The following RSBN1 variants were observed in gnomAD, a reference collection of about 807,000 sequenced individuals.
RSBN1 encodes the protein lysine-specific demethylase 9.
RSBN1 carries 23 observed loss-of-function variants against 74.8 expected under a neutral mutation model. That is an observed-to-expected ratio of 0.31 (90% CI 0.22 to 0.44). RSBN1 has a LOEUF of 0.44. RSBN1 is among the 20% of genes least tolerant of loss of function. The probability of loss-of-function intolerance (pLI) is 1.00; values close to 1 mark genes in which losing one functional copy is unlikely to be tolerated. For missense variants in RSBN1, 808 were observed against 1,020.9 expected, an observed-to-expected ratio of 0.79 and a Z score of 2.84; for synonymous variants, 407 against 379.6, an observed-to-expected ratio of 1.07 and a Z score of -0.84.
rs569645169 is a variant in RSBN1, at chr1:113,762,980, C to A, written c.*3000G>T. On this transcript the variant is annotated 3_prime_UTR_variant, in exon 7 of 7. Transcript: ENST00000261441. ...GTACCAGTTAAACAAATTCTAAGTA[C>A]TGAATAAGCAAATTAAAGGTACAAT... 5.8e-4 allele frequency: 88 copies of A among 152,768 alleles called. No individual in the cohort carries two copies. Among genetic ancestry groups the A allele is most frequent in the Non-Finnish European group, 1.1e-3 (73 of 68,002 alleles). 9.5% of individuals were successfully genotyped at this position (152,768 alleles called of 1,614,324 possible).
chr1:113,812,365 C>T lies in RSBN1; in HGVS notation c.48G>A (p.Glu16=), dbSNP rs956048138. The part of the protein sequence containing the change: ...RRTADKWRAE[E]RLQCPAGSAR... ...CACTGCCCGCTGGGCATTGGAGTCT[C>T]TCCTCCGCCCTCCACTTGTCGGCCG... is the stretch of plus-strand genomic sequence containing the variant. Residue 16 remains glutamate (E), a synonymous_variant, in exon 1 of 7, where the codon GAG becomes GAA. Transcript: ENST00000261441. 2 of 1,602,510 alleles carry T rather than the reference C, an allele frequency of 1.2e-6. No individual in the cohort carries two copies. The highest frequency in any genetic ancestry group is 2.2e-5 in the South Asian group (2 of 90,978).
intron 4 of RSBN1, among the ~76,000 whole-genome samples, chr1:113,769,153 T>A (rs1474560304): frequency 6.6e-6 from 1 of 152,162 alleles, no homozygotes; most frequent in East Asian, 1.9e-4. Context: ...CTCGGACCAA[T>A]AAACATCTCC....
rs1401107343 is a variant in RSBN1 at position 113,767,224 on chromosome 1, T to C, written c.1827-17A>G. ...TGGTCACTCCTAAGATTAACAAAAT[T>C]AAGTTTCAGAGACAAACATCTCACA... On this transcript the variant is annotated splice_polypyrimidine_tract_variant and intron_variant, in intron 5 of 6. Coordinates refer to ENST00000261441, the MANE Select transcript of RSBN1 (RefSeq NM_018364.5). 4 of 1,443,594 alleles carry C rather than the reference T, an allele frequency of 2.8e-6. No individual in the cohort carries two copies. Among genetic ancestry groups the C allele is most frequent in the Non-Finnish European group, 3.8e-6 (4 of 1,048,828 alleles). 89.4% of individuals were successfully genotyped at this position (1,443,594 alleles called of 1,614,324 possible). A position where few individuals can be genotyped will look rare whatever the true frequency, so the allele number is the denominator to read the frequency against.
rs191330948 is a variant in RSBN1 at position 113,810,679 on chromosome 1, C to T, written c.703+1031G>A. On this transcript the variant is annotated intron_variant, in intron 1 of 6. Transcript: ENST00000261441. Reference sequence around the variant, plus strand: ...ATACGTGGAAAGAATGCAAGACTCACAAAACTTTAGGTTGAAAGATTGTCT... The same window carrying T: ...ATACGTGGAAAGAATGCAAGACTCATAAAACTTTAGGTTGAAAGATTGTCT... Among the ~76,000 whole-genome samples the T allele has an allele frequency of 2.8e-4, 42 of 152,218 alleles. 1 individual carries two copies. The highest frequency in any genetic ancestry group is 9.9e-4 in the African/African-American group (41 of 41,520).
intron 3 of RSBN1, 74 bp from the exon 4 acceptor site, chr1:113,777,426 A>G (rs1660053817): frequency 1.4e-6 from 2 of 1,467,060 alleles, no homozygotes; most frequent in African/African-American, 2.8e-5. Context: ...CACCCAAATA[A>G]AAGTTCTAAG....
At chr1:113,798,081 C>A in intron 1 of RSBN1, 45 bp from the exon 2 acceptor site, 2 of 1,510,448 alleles carry the variant, frequency 1.3e-6, no homozygotes, top group South Asian at 1.3e-5. Flanking sequence ...GGACTAGTGT[C>A]AACATACAAG....
Position 113,812,456 on chromosome 1 carries a change from A to G in RSBN1, c.-44T>C, listed in dbSNP as rs1660899973. ...CAGCTTTTCTCCGCAGGCCTCTCCA[A>G]CCGAGCTTCTATTGTAAAGCACCCT... On this transcript the variant is annotated 5_prime_UTR_variant, in exon 1 of 7. Coordinates refer to ENST00000261441, the MANE Select transcript of RSBN1 (RefSeq NM_018364.5). 6 of 1,526,934 alleles carry G rather than the reference A, an allele frequency of 3.9e-6. No homozygotes were observed. Among genetic ancestry groups the G allele is most frequent in the Non-Finnish European group, 5.2e-6 (6 of 1,143,366 alleles). 94.6% of individuals were successfully genotyped at this position (1,526,934 alleles called of 1,614,324 possible). A position where few individuals can be genotyped will look rare whatever the true frequency, so the allele number is the denominator to read the frequency against.
chr1:113,767,359 G>A, intron 5 of RSBN1, 152 bp from the exon 6 acceptor site: 17 of 436,426 alleles, frequency 3.9e-5, no homozygotes, highest in South Asian at 1.3e-4. Context: ...TTTTTAATTT[G>A]AAAAAAACTA....
At chr1:113,810,857 T>C (rs956885727) in intron 1 of RSBN1, among the ~76,000 whole-genome samples, 4 of 152,148 alleles carry the variant, frequency 2.6e-5, no homozygotes, top group Non-Finnish European at 5.9e-5. Context: ...ACAAAGAATA[T>C]AAATAAATGC....
intron 1 of RSBN1, among the ~76,000 whole-genome samples, chr1:113,809,560 A>G (rs1660788494): frequency 6.6e-6 from 1 of 152,240 alleles, no homozygotes; most frequent in Non-Finnish European, 1.5e-5. Context: ...TTGCCAATTC[A>G]TGTTACATAT....
chr1:113,777,520 C>G, intron 3 of RSBN1, 151 bp downstream of exon 3: 2 of 908,028 alleles, frequency 2.2e-6, no homozygotes, highest in Non-Finnish European at 3.2e-6. Flanking sequence ...AATTTAAGTA[C>G]TTTGTACTAA....
At chr1:113,776,017 C>T (rs542267505) in intron 4 of RSBN1, among the ~76,000 whole-genome samples, 4 of 152,252 alleles carry the variant, frequency 2.6e-5, no homozygotes, top group East Asian at 1.9e-4. Flanking sequence ...TTGCTATTTT[C>T]GTAGTCTAAG....
intron 1 of RSBN1, among the ~76,000 whole-genome samples, chr1:113,803,796 T>C (rs1313358793): frequency 6.6e-6 from 1 of 152,004 alleles, no homozygotes; most frequent in Admixed American, 6.6e-5. Context: ...AAATCTAAAT[T>C]TTCTCATCTT....
chr1:113,777,844 G>A, intron 2 of RSBN1, 36 bp from the exon 3 acceptor site: 1 of 1,509,754 alleles, frequency 6.6e-7, no homozygotes, highest in Non-Finnish European at 8.9e-7. Flanking sequence ...ATGGACTGAG[G>A]TACAACTATA....
chr1:113,774,744 T>C (rs968399176), intron 4 of RSBN1, among the ~76,000 whole-genome samples: 1 of 151,726 alleles, frequency 6.6e-6, no homozygotes, highest in Non-Finnish European at 1.5e-5. Flanking sequence ...TAGTCCCAGA[T>C]ACTTGGTGGG....
chr1:113,776,816 A>C (rs1330675673), intron 4 of RSBN1, among the ~76,000 whole-genome samples: 2 of 151,012 alleles, frequency 1.3e-5, no homozygotes, highest in Non-Finnish European at 2.9e-5. Flanking sequence ...ATCTCAAAAA[A>C]AAAAAAAAAA....
intron 2 of RSBN1, among the ~76,000 whole-genome samples, chr1:113,781,332 C>T (rs770133499): frequency 1.3e-5 from 2 of 152,206 alleles, no homozygotes; most frequent in Non-Finnish European, 2.9e-5. Context: ...AATCAGGCTT[C>T]TGCCCATACC....
At chr1:113,787,614 G>A (rs1005308902) in intron 2 of RSBN1, among the ~76,000 whole-genome samples, 6 of 152,184 alleles carry the variant, frequency 3.9e-5, no homozygotes, top group African/African-American at 1.4e-4. Flanking sequence ...GCACAAGCAA[G>A]GGAGAGAACC....
At chr1:113,794,331 CTT>C (rs1331609710) in intron 2 of RSBN1, among the ~76,000 whole-genome samples, 1 of 152,188 alleles carries the variant, frequency 6.6e-6, no homozygotes, top group African/African-American at 2.4e-5. Flanking sequence ...ATTATGTAAT[CTT>C]TGCAAACATA....
Sources: allele counts gnomAD v4.1 joint callset (sites outside exome capture counted in the v4.1 genomes callset), GRCh38; gene constraint gnomAD v4.1.1; transcripts MANE v1.5; gene names NCBI Gene and HGNC (gene_info 2026-07-23, HGNC 2026-07-21).